The following SLC22A16 variants were observed in gnomAD, a reference collection of about 807,000 sequenced individuals.
SLC22A16 encodes WUGSC:RG331P03.1.
A neutral mutation model predicts 52.9 loss-of-function variants in SLC22A16; 53 were observed. That is an observed-to-expected ratio of 1.00 (90% CI 0.80 to 1.26). The LOEUF (loss-of-function observed/expected upper bound fraction) is 1.26. SLC22A16 is among the 50% of genes most tolerant of loss of function. The pLI is 0.00. For missense variants in SLC22A16, 726 were observed against 704.0 expected (o/e 1.03, Z -0.35); for synonymous variants, 291 against 268.8 (o/e 1.08, Z -0.81).
intron 6 of SLC22A16, among the ~76,000 whole-genome samples, chr6:110,432,923 A>C (rs1487827165): frequency 6.6e-6 from 1 of 152,138 alleles, no homozygotes; most frequent in Non-Finnish European, 1.5e-5. Context: ...CTCCCATAAA[A>C]ATTCTCATGT....
chr6:110,454,082 CT>C (rs1482034859), intron 2 of SLC22A16, among the ~76,000 whole-genome samples: 1 of 152,190 alleles, frequency 6.6e-6, no homozygotes, highest in Non-Finnish European at 1.5e-5. Flanking sequence ...GCCCAAACAC[CT>C]CCCACTAGGC....
At chr6:110,445,233 C>G (rs895551132) in intron 3 of SLC22A16, among the ~76,000 whole-genome samples, 1 of 152,104 alleles carries the variant, frequency 6.6e-6, no homozygotes, top group Non-Finnish European at 1.5e-5. Flanking sequence ...TCTCTATTCT[C>G]CAGACATTCC....
chr6:110,428,612 A>G (rs1379786914), intron 7 of SLC22A16, among the ~76,000 whole-genome samples: 1 of 152,236 alleles, frequency 6.6e-6, no homozygotes, highest in Admixed American at 6.5e-5. Context: ...TTTGTAAAGC[A>G]TGTTCAAAAA....
intron 4 of SLC22A16, 100 bp from the exon 5 acceptor site, chr6:110,438,947 T>C: frequency 6.9e-7 from 1 of 1,452,562 alleles, no homozygotes; most frequent in Non-Finnish European, 9.3e-7. Context: ...AGCAGCCCTC[T>C]CCTCACTTCT....
chr6:110,461,358 G>A (rs1775876202), intron 1 of SLC22A16, among the ~76,000 whole-genome samples: 1 of 152,202 alleles, frequency 6.6e-6, no homozygotes, highest in African/African-American at 2.4e-5. Flanking sequence ...AAAGGGGCAT[G>A]ATAGGTAGTG....
At chr6:110,430,187 T>C (rs1314191189) in intron 7 of SLC22A16, among the ~76,000 whole-genome samples, 1 of 151,464 alleles carries the variant, frequency 6.6e-6, no homozygotes, top group Non-Finnish European at 1.5e-5. Context: ...TGAAGGAGAA[T>C]GTGAGGATTT....
Position 110,425,194 on chromosome 6 carries a change from A to G in SLC22A16, c.1522-109T>C, listed in dbSNP as rs1468984016. On this transcript the variant is annotated intron_variant, in intron 7 of 7. Coordinates refer to ENST00000368919, the MANE Select transcript of SLC22A16 (RefSeq NM_033125.4). ...AGAGGGTAATGGATTTGAATTTGACATAACAGTTGTCACTGTGATTACTCG... is the reference window on the plus strand; with the variant it reads ...AGAGGGTAATGGATTTGAATTTGACGTAACAGTTGTCACTGTGATTACTCG... The G allele has an allele frequency of 3.9e-6, 6 of 1,532,980 alleles. No homozygotes were observed. In the South Asian group the frequency reaches 6.3e-5, roughly 16 times the overall value. The allele number at this position is 1,532,980 out of a possible 1,614,324, so 95.0% of individuals were successfully genotyped here.
chr6:110,476,457 A>C, intron 1 of SLC22A16, 65 bp downstream of exon 1: 2 of 1,438,182 alleles, frequency 1.4e-6, no homozygotes, highest in Non-Finnish European at 1.8e-6. Context: ...ACCCCGCCGC[A>C]ACGGAAAGAA....
intron 1 of SLC22A16, 104 bp downstream of exon 1, chr6:110,476,418 T>G: frequency 7.2e-7 from 1 of 1,393,858 alleles, no homozygotes; most frequent in Non-Finnish European, 9.3e-7. Context: ...GAAGTGGAGA[T>G]GTTTTCGGAT....
chr6:110,456,005 G>A (rs1775637865), intron 2 of SLC22A16: 1 of 152,428 alleles, frequency 6.6e-6, no homozygotes. Context: ...TATTGTTTGT[G>A]AATTACCCAG....
At chr6:110,433,145 A>G (rs575133739) in intron 6 of SLC22A16, among the ~76,000 whole-genome samples, 20 of 152,346 alleles carry the variant, frequency 1.3e-4, no homozygotes, top group African/African-American at 4.6e-4. Flanking sequence ...TGGAGGAAGA[A>G]GAAAAACTCT....
chr6:110,457,614 T>C (rs1775714703), intron 1 of SLC22A16, among the ~76,000 whole-genome samples: 1 of 152,232 alleles, frequency 6.6e-6, no homozygotes, highest in African/African-American at 2.4e-5. Flanking sequence ...TAGTAATTAC[T>C]CTTTATTTCA....
Position 110,442,520 on chromosome 6 carries a change from C to G in SLC22A16, c.907G>C (p.Glu303Gln). ...FWLLSEGRYEEAQKIVDIMAK... is the reference protein window; with the variant it reads ...FWLLSEGRYEQAQKIVDIMAK... ...ATGATGTCAACTATTTTTTGTGCTT[C>G]TTCATATCGTCCCTCTGAGAGAAGC... The change falls in exon 4 of 8, where the codon GAA (glutamate) becomes CAA (glutamine). Residue 303 changes from glutamate (E) to glutamine (Q), a missense_variant. Coordinates refer to ENST00000368919, the MANE Select transcript of SLC22A16 (RefSeq NM_033125.4). 6.2e-7 allele frequency: 1 copy of G among 1,614,162 alleles called. No homozygotes were observed. The highest frequency in any genetic ancestry group is 8.5e-7 in the Non-Finnish European group (1 of 1,180,022).
At chr6:110,442,835 T>G in intron 3 of SLC22A16, 60 bp from the exon 4 acceptor site, 1 of 1,483,610 alleles carries the variant, frequency 6.7e-7, no homozygotes, top group Non-Finnish European at 9.1e-7. Context: ...TTGAGGAGTC[T>G]GACCCCATTG....
intron 7 of SLC22A16, among the ~76,000 whole-genome samples, chr6:110,426,471 TAA>T (rs1413620923): frequency 6.6e-6 from 1 of 151,764 alleles, no homozygotes; most frequent in Non-Finnish European, 1.5e-5. Flanking sequence ...AACTTTGAAA[TAA>T]GTCCCCCCTT....
chr6:110,469,829 A>G (rs1298834222), intron 1 of SLC22A16, among the ~76,000 whole-genome samples: 1 of 152,242 alleles, frequency 6.6e-6, no homozygotes, highest in East Asian at 1.9e-4. Flanking sequence ...TGCTCTTGTT[A>G]ATAATAAAAC....
At chr6:110,432,018 G>A (rs1443164361) in intron 6 of SLC22A16, among the ~76,000 whole-genome samples, 1 of 152,090 alleles carries the variant, frequency 6.6e-6, no homozygotes, top group African/African-American at 2.4e-5. Flanking sequence ...CAACTTTTTA[G>A]AGTCAAGGAA....
At chr6:110,442,905 G>A in intron 3 of SLC22A16, 130 bp from the exon 4 acceptor site, 2 of 779,022 alleles carry the variant, frequency 2.6e-6, no homozygotes, top group Non-Finnish European at 4.0e-6. Context: ...ACCCCTATCA[G>A]ATGTATAAAA....
At chr6:110,459,215 C>A (rs1220666302) in intron 1 of SLC22A16, among the ~76,000 whole-genome samples, 2 of 152,166 alleles carry the variant, frequency 1.3e-5, no homozygotes, top group African/African-American at 4.8e-5. Context: ...AAAGGGTGGG[C>A]TAGGCTTAGT....
Sources: allele counts gnomAD v4.1 joint callset (sites outside exome capture counted in the v4.1 genomes callset), GRCh38; gene constraint gnomAD v4.1.1; transcripts MANE v1.5; gene names NCBI Gene and HGNC (gene_info 2026-07-23, HGNC 2026-07-21).